The following MMP26 variants were observed in gnomAD, a reference collection of about 807,000 sequenced individuals.
The protein encoded by MMP26 is matrix metalloproteinase-26.
In MMP26, 33 loss-of-function variants were observed where a neutral mutation model predicts 31.0. The ratio of observed to expected loss-of-function variants is 1.06; its 90% CI spans 0.81 to 1.42. The LOEUF (loss-of-function observed/expected upper bound fraction) is 1.42, where lower values mean the gene tolerates loss of function less well. Ranked by LOEUF, MMP26 falls within the 40% of genes most tolerant of loss-of-function variation. The probability of loss-of-function intolerance (pLI) is 0.00; values close to 1 mark genes in which losing one functional copy is unlikely to be tolerated. For synonymous variants in MMP26, 122 were observed against 114.9 expected (o/e 1.06, Z -0.40); for missense variants, 347 against 316.1 (o/e 1.10, Z -0.74).
At position 4,704,950 on chromosome 11, in the gene MMP26, A is replaced by T. The variant is rs1384066667; in HGVS notation, c.-312A>T. 1.3e-5 allele frequency: 2 copies of T among 152,216 alleles called. No homozygotes were observed. Among genetic ancestry groups the T allele is most frequent in the African/African-American group, 4.8e-5 (2 of 41,452 alleles). The allele number at this position is 152,216 out of a possible 1,614,324, so 9.4% of individuals were successfully genotyped here. Reference sequence around the variant, plus strand: ...GATAACTCTCTCTCACTTGCTTTGCATTAATAGATTCTCTGCTGTGTGGGA... The same window carrying T: ...GATAACTCTCTCTCACTTGCTTTGCTTTAATAGATTCTCTGCTGTGTGGGA... On this transcript the variant is annotated 5_prime_UTR_variant, in exon 1 of 8. Coordinates refer to ENST00000380390, the MANE Select transcript of MMP26 (RefSeq NM_021801.5).
In MMP26 at chr11:4,892,441, G is replaced by T. The variant is rs543171285; in HGVS notation, c.-144-95627G>T. On this transcript the variant is annotated intron_variant, in intron 2 of 7. Coordinates refer to ENST00000380390, the MANE Select transcript of MMP26 (RefSeq NM_021801.5). ...TAATTTGCATTGCAACTCTGTTGCA[G>T]TACCTCAATTGTCCTGTGATTTGCT... Among the ~76,000 whole-genome samples the T allele has an allele frequency of 2.0e-4, 30 of 152,264 alleles. 1 individual carries two copies. The South Asian group carries it at 6.0e-3, about 31-fold the overall frequency.
chr11:4,936,724 T>C (rs1263612377), intron 2 of MMP26, among the ~76,000 whole-genome samples: 10 of 152,152 alleles, frequency 6.6e-5, no homozygotes, highest in South Asian at 6.2e-4. Context: ...CATGAGAAGA[T>C]AAATGTATTT....
At chr11:4,873,293 T>A (rs544075014) in intron 2 of MMP26, among the ~76,000 whole-genome samples, 11 of 152,196 alleles carry the variant, frequency 7.2e-5, no homozygotes, top group Non-Finnish European at 1.3e-4. Flanking sequence ...TAATCAATTT[T>A]CTTATTCTTT....
intron 1 of MMP26, among the ~76,000 whole-genome samples, chr11:4,722,473 T>C (rs1225512569): frequency 2.9e-4 from 10 of 34,046 alleles, no homozygotes; most frequent in African/African-American, 4.3e-4. Context: ...GTAATTACTT[T>C]TTTTTTTTTT....
intron 2 of MMP26, among the ~76,000 whole-genome samples, chr11:4,899,283 G>T (rs1850766923): frequency 6.6e-6 from 1 of 152,112 alleles, no homozygotes. Context: ...TGCTTCATTT[G>T]GGAATAGCTC....
At chr11:4,719,613 T>C (rs1847984514) in intron 1 of MMP26, 2 of 152,280 alleles carry the variant, frequency 1.3e-5, no homozygotes, top group Admixed American at 6.5e-5. Flanking sequence ...ATGAGTAAAA[T>C]GCCATTCAGA....
intron 2 of MMP26, among the ~76,000 whole-genome samples, chr11:4,854,267 C>T (rs949619652): frequency 5.9e-5 from 9 of 152,134 alleles, no homozygotes; most frequent in Admixed American, 1.3e-4. Flanking sequence ...GGCGGGGCAT[C>T]GCCTCACCTG....
intron 2 of MMP26, chr11:4,786,924 C>T (rs1006605961): frequency 2.0e-5 from 3 of 152,582 alleles, no homozygotes; most frequent in African/African-American, 7.2e-5. Context: ...AGCCAAACCT[C>T]CATGAACCCA....
chr11:4,814,911 C>G (rs568300253), intron 2 of MMP26, among the ~76,000 whole-genome samples: 1 of 152,162 alleles, frequency 6.6e-6, no homozygotes, highest in African/African-American at 2.4e-5. Flanking sequence ...AGAACGCACC[C>G]GTGGCACAGC....
At chr11:4,816,859 A>G (rs1475350130) in intron 2 of MMP26, among the ~76,000 whole-genome samples, 2 of 129,090 alleles carry the variant, frequency 1.5e-5, no homozygotes, top group Non-Finnish European at 3.4e-5. Flanking sequence ...GCCCGCCACC[A>G]CGCCCGGCTA....
chr11:4,907,670 G>T (rs1014503001), intron 2 of MMP26: 3 of 1,613,934 alleles, frequency 1.9e-6, no homozygotes, highest in Non-Finnish European at 2.5e-6. Flanking sequence ...CTTTGCTCAA[G>T]AATTCTTCAT....
chr11:4,962,770 C>A (rs936684425), intron 2 of MMP26, among the ~76,000 whole-genome samples: 8 of 152,136 alleles, frequency 5.3e-5, no homozygotes, highest in Non-Finnish European at 1.0e-4. Flanking sequence ...AGTTGGGGTA[C>A]TGGCATGCAT....
intron 2 of MMP26, among the ~76,000 whole-genome samples, chr11:4,788,422 C>T (rs1848977836): frequency 6.6e-6 from 1 of 151,974 alleles, no homozygotes; most frequent in Admixed American, 6.6e-5. Flanking sequence ...ACAATTCACA[C>T]ATAAACAAGG....
chr11:4,888,616 T>C (rs1203697484), intron 2 of MMP26, among the ~76,000 whole-genome samples: 3 of 152,164 alleles, frequency 2.0e-5, no homozygotes, highest in Non-Finnish European at 4.4e-5. Flanking sequence ...TAGTTGACCA[T>C]GGCTTATGGA....
chr11:4,773,560 G>A (rs1589896653), intron 2 of MMP26, among the ~76,000 whole-genome samples: 3 of 150,374 alleles, frequency 2.0e-5, no homozygotes, highest in Non-Finnish European at 4.4e-5. Flanking sequence ...TCAGACTCCT[G>A]ACTTACAGGA....
intron 6 of MMP26, 89 bp downstream of exon 6, chr11:4,991,585 C>A: frequency 6.6e-7 from 1 of 1,519,708 alleles, no homozygotes; most frequent in South Asian, 1.3e-5. Flanking sequence ...CCAGAGTGGT[C>A]AGGGTGAGGT....
At chr11:4,753,622 T>C (rs978373895) in intron 1 of MMP26, among the ~76,000 whole-genome samples, 4 of 152,092 alleles carry the variant, frequency 2.6e-5, no homozygotes, top group African/African-American at 9.7e-5. Context: ...TAGGCCTTGG[T>C]ATAGAAAAAT....
intron 2 of MMP26, among the ~76,000 whole-genome samples, chr11:4,885,834 G>A (rs1398466079): frequency 6.6e-6 from 1 of 152,058 alleles, no homozygotes; most frequent in African/African-American, 2.4e-5. Context: ...CTTCTAGGAA[G>A]CTTTGCTTTC....
intron 1 of MMP26, among the ~76,000 whole-genome samples, chr11:4,764,988 C>G (rs1287242098): frequency 6.6e-6 from 1 of 152,180 alleles, no homozygotes; most frequent in African/African-American, 2.4e-5. Flanking sequence ...TGAGGACATT[C>G]AAACATCTGT....
Sources: gnomAD v4.1 joint callset for allele counts (sites outside exome capture counted in the v4.1 genomes callset) on GRCh38, gnomAD v4.1.1 for gene constraint, MANE v1.5 for transcripts, NCBI Gene and HGNC (gene_info 2026-07-23, HGNC 2026-07-21) for gene names.